Variants in SPAG16 observed in about 807,000 individuals in gnomAD.
SPAG16 encodes sperm associated antigen 16.
A neutral mutation model predicts 80.4 loss-of-function variants in SPAG16; 86 were observed. That is an observed-to-expected ratio of 1.07 (90% CI 0.90 to 1.28). The LOEUF (loss-of-function observed/expected upper bound fraction) is 1.28, where lower values mean the gene tolerates loss of function less well. SPAG16 is among the 50% of genes most tolerant of loss of function. The pLI, the probability that SPAG16 is intolerant of heterozygous loss-of-function variation, is 0.00. For synonymous variants in SPAG16, 294 were observed against 265.9 expected (o/e 1.11, Z -1.03); for missense variants, 870 against 765.3 (o/e 1.14, Z -1.61).
At chr2:213,890,798 G>A (rs1189980831) in intron 11 of SPAG16, among the ~76,000 whole-genome samples, 1 of 151,902 alleles carries the variant, frequency 6.6e-6, no homozygotes, top group Non-Finnish European at 1.5e-5. Flanking sequence ...ATAGCAGGGT[G>A]TTGCTTTGCT....
chr2:214,058,864 T>C (rs1392366207), intron 13 of SPAG16, among the ~76,000 whole-genome samples: 1 of 152,078 alleles, frequency 6.6e-6, no homozygotes, highest in Non-Finnish European at 1.5e-5. Flanking sequence ...ATGAAGGGTA[T>C]TAAATGTATA....
intron 12 of SPAG16, among the ~76,000 whole-genome samples, chr2:213,970,876 A>G (rs1420235838): frequency 6.6e-6 from 1 of 152,172 alleles, no homozygotes; most frequent in Non-Finnish European, 1.5e-5. Flanking sequence ...CTTGCTCATA[A>G]CCCTGACAGA....
At chr2:213,403,155 G>C (rs1204604417) in intron 9 of SPAG16, among the ~76,000 whole-genome samples, 1 of 152,124 alleles carries the variant, frequency 6.6e-6, no homozygotes, top group Non-Finnish European at 1.5e-5. Flanking sequence ...TTGTGGTTTT[G>C]ATTTGCATTT....
chr2:214,302,092 T>C (rs1694593694), intron 15 of SPAG16, among the ~76,000 whole-genome samples: 1 of 152,190 alleles, frequency 6.6e-6, no homozygotes, highest in Admixed American at 6.5e-5. Flanking sequence ...ACAGTTTTGA[T>C]AGTTCCTCTT....
At chr2:213,390,655 T>A (rs1255270033) in intron 9 of SPAG16, among the ~76,000 whole-genome samples, 1 of 152,158 alleles carries the variant, frequency 6.6e-6, no homozygotes, top group Non-Finnish European at 1.5e-5. Context: ...TACAGTAAAA[T>A]TATTAGATTA....
chr2:213,578,802 A>G (rs775045225), intron 10 of SPAG16, among the ~76,000 whole-genome samples: 1 of 152,100 alleles, frequency 6.6e-6, no homozygotes, highest in Non-Finnish European at 1.5e-5. Context: ...AAAAATATTA[A>G]GGTAACAAAT....
At chr2:214,153,075 T>C (rs555415343) in intron 15 of SPAG16, among the ~76,000 whole-genome samples, 142 of 152,114 alleles carry the variant, frequency 9.3e-4, no homozygotes, top group African/African-American at 3.3e-3. Context: ...GGAGCAGTCT[T>C]CTCTAAACTG....
intron 11 of SPAG16, among the ~76,000 whole-genome samples, chr2:213,884,858 T>TA (rs1305405089): frequency 6.6e-6 from 1 of 152,236 alleles, no homozygotes; most frequent in African/African-American, 2.4e-5. Flanking sequence ...GGTTATTTCT[T>TA]AAAATGGCTA....
chr2:213,340,060 C>G, intron 5 of SPAG16, 103 bp from the exon 6 acceptor site: 2 of 690,426 alleles, frequency 2.9e-6, no homozygotes, highest in Non-Finnish European at 4.9e-6. Context: ...ATTTGTTTTC[C>G]TATTATCTTT....
At chr2:214,283,021 A>G (rs540345317) in intron 15 of SPAG16, among the ~76,000 whole-genome samples, 1 of 152,162 alleles carries the variant, frequency 6.6e-6, no homozygotes, top group African/African-American at 2.4e-5. Flanking sequence ...TCAGCATGAG[A>G]TATATAGATG....
At chr2:213,972,363 T>C (rs2045113919) in intron 12 of SPAG16, among the ~76,000 whole-genome samples, 1 of 152,104 alleles carries the variant, frequency 6.6e-6, no homozygotes, top group Admixed American at 6.6e-5. Flanking sequence ...GGCTGAGCAG[T>C]CCCATGACTT....
chr2:213,380,052 C>A lies in SPAG16; in HGVS notation c.942+4933C>A, dbSNP rs114479480. ...CACTCAGAGGTGTCCATCCACGTAC[C>A]TCTTTCCTGAATTTCCTTGTCACCA... On this transcript the variant is annotated intron_variant, in intron 9 of 15. Coordinates refer to ENST00000331683, the MANE Select transcript of SPAG16 (RefSeq NM_024532.5). Among the ~76,000 whole-genome samples, 1,188 of 152,278 alleles carry A rather than the reference C, an allele frequency of 7.8e-3. 15 individuals carry two copies. The highest frequency in any genetic ancestry group is 6.9e-3 in the Non-Finnish European group (469 of 68,018).
intron 10 of SPAG16, among the ~76,000 whole-genome samples, chr2:213,685,101 TA>T (rs1458669987): frequency 6.6e-6 from 1 of 152,188 alleles, no homozygotes; most frequent in Non-Finnish European, 1.5e-5. Context: ...AAGGGCTGAA[TA>T]AAAGACCCTT....
intron 10 of SPAG16, among the ~76,000 whole-genome samples, chr2:213,493,296 A>G (rs987738964): frequency 6.6e-6 from 1 of 152,240 alleles, no homozygotes; most frequent in African/African-American, 2.4e-5. Flanking sequence ...GGAGAAACAG[A>G]TTTATCAAAA....
At chr2:213,891,913 G>C (rs1295283077) in intron 11 of SPAG16, among the ~76,000 whole-genome samples, 2 of 152,084 alleles carry the variant, frequency 1.3e-5, no homozygotes, top group African/African-American at 4.8e-5. Context: ...CCATCATATT[G>C]GGTAGCCTGG....
At chr2:214,056,318 T>C (rs918023997) in intron 13 of SPAG16, among the ~76,000 whole-genome samples, 3 of 137,006 alleles carry the variant, frequency 2.2e-5, no homozygotes. Context: ...CACACACGCA[T>C]AGAGAGAGAG....
chr2:213,550,636 C>A (rs2076752341), intron 10 of SPAG16, among the ~76,000 whole-genome samples: 1 of 152,094 alleles, frequency 6.6e-6, no homozygotes. Flanking sequence ...ATCAGATCTA[C>A]AAAATTCCTT....
chr2:213,321,687 T>A (rs2063615219), intron 5 of SPAG16, among the ~76,000 whole-genome samples: 1 of 152,144 alleles, frequency 6.6e-6, no homozygotes, highest in Admixed American at 6.5e-5. Context: ...AGTGTCAATT[T>A]TAGACTATAG....
chr2:214,015,827 C>G (rs2047565412), intron 13 of SPAG16, among the ~76,000 whole-genome samples: 1 of 152,014 alleles, frequency 6.6e-6, no homozygotes, highest in Non-Finnish European at 1.5e-5. Flanking sequence ...TATTTGTCCC[C>G]TTTTTAGAAG....
Sources: gnomAD v4.1 joint callset for allele counts (sites outside exome capture counted in the v4.1 genomes callset) on GRCh38, gnomAD v4.1.1 for gene constraint, MANE v1.5 for transcripts, NCBI Gene and HGNC (gene_info 2026-07-23, HGNC 2026-07-21) for gene names.